The following DNAAF5 variants were observed in gnomAD, a reference collection of about 807,000 sequenced individuals.
DNAAF5 encodes the protein dynein axonemal assembly factor 5, also known as HEAT repeat containing 2.
DNAAF5 carries 64 observed loss-of-function variants against 75.8 expected under a neutral mutation model. That is an observed-to-expected ratio of 0.84 (90% confidence interval 0.69 to 1.04). The LOEUF (loss-of-function observed/expected upper bound fraction) is 1.04, where lower values mean the gene tolerates loss of function less well. Among genes scored for constraint, DNAAF5 ranks in the 50% least tolerant of loss-of-function variants. The pLI is 0.00. For missense variants in DNAAF5, 1,269 were observed against 1,178.5 expected, an observed-to-expected ratio of 1.08 and a Z score of -1.12; for synonymous variants, 657 against 557.2, an observed-to-expected ratio of 1.18 and a Z score of -2.52.
chr7:740,025 C>T (rs1379017829), intron 2 of DNAAF5, among the ~76,000 whole-genome samples: 2 of 152,082 alleles, frequency 1.3e-5, no homozygotes, highest in Non-Finnish European at 2.9e-5. Flanking sequence ...GATGGCACCA[C>T]GGAGTCGGCC....
intron 8 of DNAAF5, among the ~76,000 whole-genome samples, chr7:765,277 A>G (rs527568839): frequency 2.0e-5 from 3 of 151,652 alleles, no homozygotes; most frequent in African/African-American, 7.3e-5. Context: ...TTTCACAGAC[A>G]AGGAGGCAGA....
intron 12 of DNAAF5, among the ~76,000 whole-genome samples, chr7:781,595 G>A (rs1026100354): frequency 7.2e-6 from 1 of 139,362 alleles, no homozygotes; most frequent in African/African-American, 2.5e-5. Flanking sequence ...CCTCCAGACT[G>A]TTCTCCCAGC....
rs111931278 is a variant in DNAAF5, at chr7:782,596, G to A, written c.2431+2452G>A. ...ACTCGGATCTTCCCGGCGTGGCCGCGTCCCGTTACGCAGCGTCAGAAACTC... is the reference window on the plus strand; with the variant it reads ...ACTCGGATCTTCCCGGCGTGGCCGCATCCCGTTACGCAGCGTCAGAAACTC... On this transcript the variant is annotated intron_variant, in intron 12 of 12. Transcript: ENST00000297440. Among the ~76,000 whole-genome samples the A allele has an allele frequency of 1.6e-3, 220 of 136,340 alleles. 9 individuals carry two copies. Among genetic ancestry groups the A allele is most frequent in the African/African-American group, 5.9e-3 (203 of 34,598 alleles). 89.4% of individuals were successfully genotyped at this position (136,340 alleles called of 152,430 possible).
In DNAAF5 at chr7:754,656, G is replaced by C. The variant is rs535182648; in HGVS notation, c.1092G>C (p.Leu364=). The C allele has an allele frequency of 3.7e-6, 6 of 1,614,154 alleles. No homozygotes were observed. The African/African-American group carries it at 8.0e-5, about 22-fold the overall frequency. The stretch of plus-strand genomic sequence containing the variant: ...ACCTCTCCAAGATCCTCCCTGCCCT[G>C]TGCCACGACATCACCGACTGGGTGG... ...FRNLSKILPA[L]CHDITDWVVG... is the part of the protein sequence containing the mutation. Residue 364 remains leucine (L), a synonymous_variant, in exon 5 of 13, where the codon CTG becomes CTC. Transcript: ENST00000297440. The surrounding 1 kb of genome is among the most constrained non-coding windows in gnomAD (Gnocchi z 4.8).
chr7:767,295 G>GAAT (rs1045943370), intron 8 of DNAAF5, among the ~76,000 whole-genome samples: 2 of 48,268 alleles, frequency 4.1e-5, no homozygotes, highest in African/African-American at 1.5e-4. Flanking sequence ...CCAATTAAGT[G>GAAT]AAATAGCTGC....
At chr7:729,269 G>T (rs938131542) in intron 1 of DNAAF5, among the ~76,000 whole-genome samples, 1 of 152,228 alleles carries the variant, frequency 6.6e-6, no homozygotes, top group Non-Finnish European at 1.5e-5. Context: ...GGGGCTGGGA[G>T]TGTGGCCTCG....
rs1444250614 is a variant in DNAAF5 at position 741,325 on chromosome 7, TTGTC to T, written c.906-14_906-11del. On this transcript the variant is annotated intron_variant, in intron 3 of 12. Coordinates refer to ENST00000297440, the MANE Select transcript of DNAAF5 (RefSeq NM_017802.4). ...CTGCGTGCCCTGCCCTGAGCCACTG[TTGTC>T]TGTCTGTTGTGCCTCAGGCAGCTGG... is the stretch of plus-strand genomic sequence containing the variant. The T allele has an allele frequency of 7.7e-6, 12 of 1,563,948 alleles. No homozygotes were observed. In the Admixed American group the frequency reaches 9.1e-5, roughly 12 times the overall value.
chr7:754,820 G>A lies in DNAAF5; in HGVS notation c.1256G>A (p.Ser419Asn). Reference protein sequence around the residue: ...CTDEEAAVVQSCTRSAELVGT... With the variant: ...CTDEEAAVVQNCTRSAELVGT... ...GACGAGGAGGCAGCCGTGGTCCAAAGTGTAAGTGGCCGTATTCCAGTCGTG... is the reference window on the plus strand; with the variant it reads ...GACGAGGAGGCAGCCGTGGTCCAAAATGTAAGTGGCCGTATTCCAGTCGTG... The change falls in exon 5 of 13, where the codon AGT (serine) becomes AAT (asparagine). Residue 419 changes from serine (S) to asparagine (N), a missense_variant and splice_region_variant. Transcript: ENST00000297440. This position sits in a 1 kb window ranked among gnomAD's most constrained non-coding sequence, Gnocchi z 4.8. The A allele has an allele frequency of 6.2e-7, 1 of 1,600,302 alleles. No homozygotes were observed. Among genetic ancestry groups the A allele is most frequent in the Non-Finnish European group, 8.5e-7 (1 of 1,170,680 alleles).
chr7:777,193 G>A (rs1004437558), intron 11 of DNAAF5, among the ~76,000 whole-genome samples: 3 of 152,078 alleles, frequency 2.0e-5, no homozygotes, highest in Non-Finnish European at 4.4e-5. Flanking sequence ...CGTAACGCAC[G>A]TGACTCATCC....
chr7:775,567 T>G (rs531602574), intron 11 of DNAAF5, among the ~76,000 whole-genome samples: 1 of 152,168 alleles, frequency 6.6e-6, no homozygotes, highest in African/African-American at 2.4e-5. Flanking sequence ...TGTTTGTGCA[T>G]TTATACATAC....
intron 8 of DNAAF5, chr7:769,274 C>T (rs1778470876): frequency 2.8e-6 from 2 of 709,516 alleles, no homozygotes; most frequent in South Asian, 1.5e-5. Context: ...AGAGCGCCTC[C>T]TTCTGCGGCC....
At chr7:738,970 G>C (rs933079273) in intron 2 of DNAAF5, among the ~76,000 whole-genome samples, 2 of 152,236 alleles carry the variant, frequency 1.3e-5, no homozygotes, top group South Asian at 4.1e-4. Context: ...CCTGGCTGCC[G>C]GCCTGGGGCA....
chr7:773,328 C>T (rs1023662494), intron 9 of DNAAF5, among the ~76,000 whole-genome samples: 9 of 152,244 alleles, frequency 5.9e-5, no homozygotes, highest in African/African-American at 1.4e-4. Flanking sequence ...GCAGGCTTCA[C>T]GGACGCTGGA....
chr7:784,415 A>G (rs926186843), intron 12 of DNAAF5, among the ~76,000 whole-genome samples: 11 of 152,144 alleles, frequency 7.2e-5, no homozygotes, highest in Admixed American at 2.0e-4. Context: ...TCTGTCCTCA[A>G]GACTGAAGGC....
intron 8 of DNAAF5, among the ~76,000 whole-genome samples, chr7:770,105 C>T (rs936570408): frequency 3.3e-5 from 5 of 152,110 alleles, no homozygotes; most frequent in African/African-American, 1.2e-4. Flanking sequence ...GTATATGCCA[C>T]CATGCTAGGG....
chr7:743,646 T>TC (rs1781992496), intron 4 of DNAAF5, among the ~76,000 whole-genome samples: 1 of 149,024 alleles, frequency 6.7e-6, no homozygotes, highest in Admixed American at 6.7e-5. Context: ...CTCGATCTTT[T>TC]TTTTTTTTTT....
chr7:729,586 C>T (rs890016623), intron 1 of DNAAF5, 77 bp from the exon 2 acceptor site: 9 of 1,419,184 alleles, frequency 6.3e-6, no homozygotes, highest in African/African-American at 2.8e-5. Flanking sequence ...GGCAGGCAGC[C>T]GTCCTCTGGA....
chr7:740,733 A>G, intron 2 of DNAAF5, 86 bp from the exon 3 acceptor site: 2 of 1,557,216 alleles, frequency 1.3e-6, no homozygotes, highest in East Asian at 2.2e-5. Context: ...CAGCGTCCGT[A>G]TGGCAGCACT....
intron 4 of DNAAF5, among the ~76,000 whole-genome samples, chr7:745,557 A>G (rs955978354): frequency 3.9e-5 from 6 of 152,080 alleles, no homozygotes; most frequent in African/African-American, 1.2e-4. Flanking sequence ...GCGTACACAC[A>G]TCCTCGCACA....
Sources: allele counts gnomAD v4.1 joint callset (sites outside exome capture counted in the v4.1 genomes callset), GRCh38; gene constraint gnomAD v4.1.1; non-coding constraint Gnocchi (gnomAD v3.1); transcripts MANE v1.5; gene names NCBI Gene and HGNC (gene_info 2026-07-23, HGNC 2026-07-21).